The following IFT57 variants were observed in gnomAD, a reference collection of about 807,000 sequenced individuals.
The protein encoded by IFT57 is intraflagellar transport protein 57 homolog.
In IFT57, 59 loss-of-function variants were observed where a neutral mutation model predicts 56.8. That is an observed-to-expected ratio of 1.04 (90% CI 0.84 to 1.29). The LOEUF is 1.29. Ranked by LOEUF, IFT57 falls within the 50% of genes most tolerant of loss-of-function variation. The pLI is 0.00. For synonymous variants in IFT57, 209 were observed against 186.1 expected, an observed-to-expected ratio of 1.12 and a Z score of -1.00; for missense variants, 470 against 522.1, an observed-to-expected ratio of 0.90 and a Z score of 0.97.
intron 6 of IFT57, among the ~76,000 whole-genome samples, chr3:108,190,512 G>A (rs1051162813): frequency 8.5e-5 from 13 of 152,216 alleles, no homozygotes; most frequent in African/African-American, 3.1e-4. Flanking sequence ...TCCTTCCTGC[G>A]GCCTTGTAAA....
Position 108,218,614 on chromosome 3 carries a change from C to T in IFT57, c.415G>A (p.Gly139Ser). The change falls in exon 3 of 11, where the codon GGT becomes AGT. Residue 139 changes from glycine to serine, a missense_variant. Gly to Ser is a moderately conservative substitution (Grantham distance 56). Coordinates refer to ENST00000264538, the MANE Select transcript of IFT57 (RefSeq NM_018010.4). Reference protein sequence around the residue: ...ADFPPSKLKSGYGEHVCYVLD... With the variant: ...ADFPPSKLKSSYGEHVCYVLD... ...ACATAGCATACATGTTCTCCATAAC[C>T]TGACTTTAATTTTGAAGGAGGAAAA... 2 of 1,544,216 alleles carry T rather than the reference C, an allele frequency of 1.3e-6. No homozygotes were observed. The highest frequency in any genetic ancestry group is 2.8e-5 in the African/African-American group (2 of 71,316).
intron 6 of IFT57, among the ~76,000 whole-genome samples, chr3:108,175,061 C>T (rs1023639175): frequency 2.0e-5 from 3 of 151,630 alleles, no homozygotes; most frequent in East Asian, 1.9e-4. Flanking sequence ...GTGTATTTTC[C>T]GCATATTACA....
chr3:108,184,969 T>C (rs1227202622), intron 6 of IFT57, among the ~76,000 whole-genome samples: 1 of 152,084 alleles, frequency 6.6e-6, no homozygotes, highest in Non-Finnish European at 1.5e-5. Context: ...GTCCTGACAT[T>C]ACAATAAAGA....
intron 6 of IFT57, among the ~76,000 whole-genome samples, chr3:108,168,078 C>T (rs17232836): frequency 0.089 from 13,530 of 151,850 alleles, 667 homozygotes; most frequent in Middle Eastern, 0.12. Flanking sequence ...TTCACGTGTT[C>T]ACAGAGTGAT....
chr3:108,202,812 G>GA (rs890806213), intron 5 of IFT57, among the ~76,000 whole-genome samples: 34 of 152,240 alleles, frequency 2.2e-4, no homozygotes, highest in African/African-American at 7.0e-4. Context: ...GTTCTGAAAA[G>GA]CAACTCATTC....
intron 6 of IFT57, among the ~76,000 whole-genome samples, chr3:108,176,423 T>C (rs1211426589): frequency 6.6e-6 from 1 of 151,848 alleles, no homozygotes; most frequent in Non-Finnish European, 1.5e-5. Flanking sequence ...TTTCTCTCTC[T>C]TATAGGTTTT....
chr3:108,219,640 G>A, intron 1 of IFT57, 68 bp from the exon 2 acceptor site: 1 of 1,465,516 alleles, frequency 6.8e-7, no homozygotes, highest in Admixed American at 1.8e-5. Flanking sequence ...ATAACTAATA[G>A]GGCCGAATTC....
rs2108307865 is a variant in IFT57 at position 108,166,846 on chromosome 3, T to G, written c.981+8A>C. On this transcript the variant is annotated splice_region_variant and intron_variant, in intron 8 of 10. Coordinates refer to ENST00000264538, the MANE Select transcript of IFT57 (RefSeq NM_018010.4). The stretch of plus-strand genomic sequence containing the variant: ...TGAATAAATCCTTGGAAATCATTCT[T>G]AAATTACCTCACTCAGCTGGGCTTG... 6.2e-7 allele frequency: 1 copy of G among 1,606,356 alleles called. No individual in the cohort carries two copies. The highest frequency in any genetic ancestry group is 1.7e-4 in the Middle Eastern group (1 of 6,024).
At chr3:108,166,703 C>T (rs769821159) in intron 8 of IFT57, 151 bp downstream of exon 8, 27 of 570,946 alleles carry the variant, frequency 4.7e-5, no homozygotes, top group Non-Finnish European at 6.8e-5. Flanking sequence ...TAAGTTCACT[C>T]GGCTCTCTTG....
intron 6 of IFT57, among the ~76,000 whole-genome samples, chr3:108,173,736 G>A (rs902729371): frequency 2.7e-5 from 4 of 149,300 alleles, no homozygotes; most frequent in Non-Finnish European, 4.4e-5. Context: ...TCGAAAAATT[G>A]TTAAGTTGAA....
At chr3:108,198,356 T>C (rs1402000500) in intron 5 of IFT57, among the ~76,000 whole-genome samples, 1 of 152,244 alleles carries the variant, frequency 6.6e-6, no homozygotes, top group Non-Finnish European at 1.5e-5. Context: ...TATTTTATGT[T>C]TTTGATTTTC....
chr3:108,177,049 C>A (rs1411118306), intron 6 of IFT57, among the ~76,000 whole-genome samples: 1 of 151,770 alleles, frequency 6.6e-6, no homozygotes, highest in Admixed American at 6.6e-5. Flanking sequence ...TATATTATAA[C>A]ATCATTTTCC....
intron 3 of IFT57, among the ~76,000 whole-genome samples, 171 bp from the exon 4 acceptor site, chr3:108,214,192 C>A (rs2080358464): frequency 6.6e-6 from 1 of 152,010 alleles, no homozygotes; most frequent in South Asian, 2.1e-4. Context: ...ATGTAAAAAG[C>A]AAAAGTGTTT....
intron 6 of IFT57, among the ~76,000 whole-genome samples, chr3:108,178,862 C>T (rs370129473): frequency 3.3e-5 from 5 of 151,800 alleles, no homozygotes; most frequent in Non-Finnish European, 7.4e-5. Context: ...ATACTTACAC[C>T]ATGACCTAGC....
chr3:108,168,438 C>A (rs1284853068), intron 6 of IFT57, among the ~76,000 whole-genome samples: 3 of 151,884 alleles, frequency 2.0e-5, no homozygotes, highest in Admixed American at 2.0e-4. Flanking sequence ...TAATTTCCTA[C>A]AAAATATATT....
chr3:108,195,055 T>C (rs2080236188), intron 5 of IFT57, among the ~76,000 whole-genome samples: 1 of 151,984 alleles, frequency 6.6e-6, no homozygotes, highest in South Asian at 2.1e-4. Context: ...GGAGAAAATA[T>C]TTGCAAACTA....
intron 5 of IFT57, among the ~76,000 whole-genome samples, chr3:108,198,024 G>A (rs112113473): frequency 1.3e-5 from 2 of 151,966 alleles, no homozygotes; most frequent in African/African-American, 4.8e-5. Context: ...TGCCAAACAC[G>A]GTACTAGATG....
chr3:108,219,589 A>G lies in IFT57; in HGVS notation c.213-17T>C, dbSNP rs9854601. 1 of 1,611,694 alleles carries G rather than the reference A, an allele frequency of 6.2e-7. No individual in the cohort carries two copies. Among genetic ancestry groups the G allele is most frequent in the Non-Finnish European group, 8.5e-7 (1 of 1,177,908 alleles). ...AAATAGTGTCTGTTTCAAAACAAGG[A>G]GGAATGGGGGCGGATGTGAAATAAT... On this transcript the variant is annotated splice_polypyrimidine_tract_variant and intron_variant, in intron 1 of 10. Coordinates refer to ENST00000264538, the MANE Select transcript of IFT57 (RefSeq NM_018010.4).
At chr3:108,182,271 C>T (rs2108314240) in intron 6 of IFT57, among the ~76,000 whole-genome samples, 1 of 152,144 alleles carries the variant, frequency 6.6e-6, no homozygotes, top group Non-Finnish European at 1.5e-5. Flanking sequence ...AAAAAATCCT[C>T]TATTGTTTCT....
Sources: allele counts gnomAD v4.1 joint callset (sites outside exome capture counted in the v4.1 genomes callset), GRCh38; gene constraint gnomAD v4.1.1; transcripts MANE v1.5; gene names NCBI Gene and HGNC (gene_info 2026-07-23, HGNC 2026-07-21).